The following SRPK2 variants were observed in gnomAD, a reference collection of about 807,000 sequenced individuals.
The protein encoded by SRPK2 is SRSF protein kinase 2.
Under a neutral mutation model 90.8 loss-of-function variants are expected in SRPK2, and 21 were observed. The observed-to-expected ratio is 0.23, with a 90% CI of 0.16 to 0.33. The LOEUF is 0.33. Among genes scored for constraint, SRPK2 ranks in the 10% least tolerant of loss-of-function variants. The pLI is 1.00. For synonymous variants in SRPK2, 288 were observed against 311.1 expected (o/e 0.93, Z 0.78); for missense variants, 620 against 869.0 (o/e 0.71, Z 3.60).
At chr7:105,377,100 T>C (rs1429379190) in intron 2 of SRPK2, among the ~76,000 whole-genome samples, 3 of 152,064 alleles carry the variant, frequency 2.0e-5, no homozygotes, top group African/African-American at 7.2e-5. Context: ...AAGGCTCATC[T>C]CACTTGAATT....
At chr7:105,218,508 T>A (rs989920948) in intron 2 of SRPK2, among the ~76,000 whole-genome samples, 3 of 152,204 alleles carry the variant, frequency 2.0e-5, no homozygotes, top group African/African-American at 7.2e-5. Context: ...CGTGAGTTTA[T>A]GGTCCAAACA....
chr7:105,347,903 C>T (rs943698878), intron 2 of SRPK2, among the ~76,000 whole-genome samples: 1 of 151,374 alleles, frequency 6.6e-6, no homozygotes, highest in Non-Finnish European at 1.5e-5. Flanking sequence ...ACAATTAATT[C>T]TAAATTACAT....
At chr7:105,270,732 T>C (rs1805726500) in intron 2 of SRPK2, among the ~76,000 whole-genome samples, 1 of 152,082 alleles carries the variant, frequency 6.6e-6, no homozygotes, top group Non-Finnish European at 1.5e-5. Context: ...TTAATAGCTG[T>C]ATGACCTTGG....
In SRPK2 at chr7:105,358,777, T is replaced by C. The variant is rs563187235; in HGVS notation, c.71+29871A>G. Among the ~76,000 whole-genome samples, 12 of 152,254 alleles carry C rather than the reference T, an allele frequency of 7.9e-5. No individual in the cohort carries two copies. The South Asian group carries it at 2.5e-3, about 32-fold the overall frequency. ...TTTTTGCTGCTAAAGAAGGAATATC[T>C]AAGCCTGGGTAATTTATTAATATAA... On this transcript the variant is annotated intron_variant, in intron 2 of 15. Transcript: ENST00000393651.
intron 2 of SRPK2, among the ~76,000 whole-genome samples, chr7:105,277,863 A>G (rs574172314): frequency 6.8e-4 from 104 of 152,364 alleles, no homozygotes; most frequent in Non-Finnish European, 1.2e-3. Flanking sequence ...TAAAATCTGC[A>G]AAGGATGAAA....
chr7:105,372,069 A>C (rs1163292588), intron 2 of SRPK2, among the ~76,000 whole-genome samples: 3 of 143,142 alleles, frequency 2.1e-5, no homozygotes, highest in African/African-American at 7.7e-5. Flanking sequence ...CGGAAGGCGG[A>C]GGCCGCAGTG....
intron 2 of SRPK2, chr7:105,206,019 C>T (rs1796194041): frequency 1.9e-6 from 1 of 518,742 alleles, no homozygotes; most frequent in South Asian, 1.4e-5. Context: ...GTGCACGGCA[C>T]TACTGTACTT....
intron 1 of SRPK2, among the ~76,000 whole-genome samples, chr7:105,397,820 G>A (rs1298133520): frequency 6.6e-6 from 1 of 151,484 alleles, no homozygotes; most frequent in East Asian, 1.9e-4. Flanking sequence ...ATTTTTTTTT[G>A]TATTTTTAGT....
chr7:105,160,429 A>G (rs760932006), intron 7 of SRPK2, 78 bp downstream of exon 7: 4 of 781,636 alleles, frequency 5.1e-6, no homozygotes, highest in East Asian at 2.5e-5. Context: ...ATACATATAC[A>G]TATTTGTAAA....
intron 11 of SRPK2, among the ~76,000 whole-genome samples, chr7:105,137,425 A>G (rs1562970330): frequency 1.3e-5 from 2 of 152,170 alleles, no homozygotes; most frequent in Non-Finnish European, 1.5e-5. Flanking sequence ...TTCTCTCTGG[A>G]CTGCCAGACA....
intron 2 of SRPK2, among the ~76,000 whole-genome samples, chr7:105,385,458 G>A (rs1180452812): frequency 6.6e-6 from 1 of 152,100 alleles, no homozygotes; most frequent in East Asian, 1.9e-4. Context: ...TTACAGGCGT[G>A]AGCCACCGCG....
At position 105,194,687 on chromosome 7, in the gene SRPK2, C is replaced by A. The variant is rs74343056; in HGVS notation, c.229+8941G>T. On this transcript the variant is annotated intron_variant, in intron 3 of 15. Transcript: ENST00000393651. ...CGTATCTAAAATTTATATGTATAAG[C>A]TGACTCTGAATTTATACAAAATGCA... 6.6e-4 allele frequency among the ~76,000 whole-genome samples: 101 copies of A among 152,266 alleles called. 1 individual carries two copies. The East Asian group carries it at 0.017, about 26-fold the overall frequency.
chr7:105,308,655 C>G (rs1811387758), intron 2 of SRPK2, among the ~76,000 whole-genome samples: 1 of 152,198 alleles, frequency 6.6e-6, no homozygotes, highest in South Asian at 2.1e-4. Context: ...TAATGTATCA[C>G]AAGGTGGAAA....
At chr7:105,296,306 T>C (rs1359803690) in intron 2 of SRPK2, among the ~76,000 whole-genome samples, 2 of 152,228 alleles carry the variant, frequency 1.3e-5, no homozygotes, top group African/African-American at 4.8e-5. Flanking sequence ...TGATTTCTAG[T>C]ATTCAGTCCT....
chr7:105,235,145 T>C (rs1799968455), intron 2 of SRPK2, among the ~76,000 whole-genome samples: 1 of 152,218 alleles, frequency 6.6e-6, no homozygotes, highest in South Asian at 2.1e-4. Context: ...GCAGACAGGG[T>C]AATGTAATTT....
intron 11 of SRPK2, among the ~76,000 whole-genome samples, chr7:105,139,231 C>A (rs939726608): frequency 2.6e-5 from 4 of 152,050 alleles, no homozygotes; most frequent in Non-Finnish European, 5.9e-5. Context: ...CATGGAAGGG[C>A]ATGCTGAAAG....
chr7:105,206,624 AT>A (rs1345570561), intron 2 of SRPK2: 1 of 152,842 alleles, frequency 6.5e-6, no homozygotes, highest in African/African-American at 2.4e-5. Flanking sequence ...ATATCAAAAC[AT>A]CTAGAACTGT....
At chr7:105,373,600 G>A (rs1233244624) in intron 2 of SRPK2, among the ~76,000 whole-genome samples, 4 of 151,798 alleles carry the variant, frequency 2.6e-5, no homozygotes, top group East Asian at 1.9e-4. Flanking sequence ...ATGGGGTTTC[G>A]TCATGTTGGC....
intron 5 of SRPK2, 109 bp downstream of exon 5, chr7:105,167,898 AC>A: frequency 1.1e-6 from 1 of 898,712 alleles, no homozygotes; most frequent in South Asian, 1.7e-5. Context: ...GGCATGAGCC[AC>A]CGTGCCCAGC....
Sources: gnomAD v4.1 joint callset for allele counts (sites outside exome capture counted in the v4.1 genomes callset) on GRCh38, gnomAD v4.1.1 for gene constraint, MANE v1.5 for transcripts, NCBI Gene and HGNC (gene_info 2026-07-23, HGNC 2026-07-21) for gene names.